The following PIGG variants were observed in gnomAD, a reference collection of about 807,000 sequenced individuals.
The protein encoded by PIGG is GPI ethanolamine phosphate transferase 2, catalytic subunit.
Under a neutral mutation model 83.2 loss-of-function variants are expected in PIGG, and 70 were observed. The ratio of observed to expected loss-of-function variants is 0.84; its 90% CI spans 0.69 to 1.03. PIGG has a LOEUF of 1.03. Among genes scored for constraint, PIGG ranks in the 50% least tolerant of loss-of-function variants. The probability of loss-of-function intolerance (pLI) is 0.00; values close to 1 mark genes in which losing one functional copy is unlikely to be tolerated. For synonymous variants in PIGG, 532 were observed against 519.5 expected (o/e 1.02, Z -0.33); for missense variants, 1,257 against 1,233.6 (o/e 1.02, Z -0.28).
At chr4:499,761 A>G (rs1182825239) in intron 1 of PIGG, 1 of 1,290,554 alleles carries the variant, frequency 7.7e-7, no homozygotes. Context: ...CAGCCTCTCC[A>G]CTTCTACTCG....
intron 1 of PIGG, chr4:499,812 C>T (rs542526832): frequency 1.2e-5 from 13 of 1,052,134 alleles, no homozygotes; most frequent in Non-Finnish European, 1.4e-5. Flanking sequence ...CTTTGGGTCA[C>T]TCCCCGTTAT....
intron 3 of PIGG, among the ~76,000 whole-genome samples, chr4:507,140 A>G (rs1204273385): frequency 1.3e-5 from 2 of 152,218 alleles, no homozygotes; most frequent in Admixed American, 1.3e-4. Flanking sequence ...GGGTCTTGCT[A>G]TGTTGCCCAG....
In PIGG at chr4:533,400, C is replaced by T. The variant is rs561848593; in HGVS notation, c.2572-418C>T. On this transcript the variant is annotated intron_variant, in intron 11 of 12. Transcript: ENST00000453061. ...GCCCAGCTCCCCGCTTGGCTGGGCC[C>T]AGCAGCTGGCCTCTCAGGGCCCTAT... The T allele has an allele frequency of 2.3e-5, 4 of 173,688 alleles. No individual in the cohort carries two copies. The East Asian group carries it at 5.9e-4, about 26-fold the overall frequency. The allele number at this position is 173,688 out of a possible 1,614,324, so 10.8% of individuals were successfully genotyped here.
chr4:501,063 G>T (rs782634700), intron 2 of PIGG: 1 of 454,092 alleles, frequency 2.2e-6, no homozygotes, highest in Non-Finnish European at 4.4e-6. Context: ...GTATGTTCCG[G>T]CCTCAACAAT....
rs1553880312 is a variant in PIGG at position 507,533 on chromosome 4, G to A, written c.699G>A (p.Gly233=). 6.2e-7 allele frequency: 1 copy of A among 1,614,236 alleles called. No homozygotes were observed. The highest frequency in any genetic ancestry group is 8.5e-7 in the Non-Finnish European group (1 of 1,180,040). ...CAGGGCCCAACAGCCCCCTGATTGG[G>A]CAGAAGCTGAGCGAGATGGACAGCG... ...HISGPNSPLI[G]QKLSEMDSVL... Residue 233 remains glycine (G), a synonymous_variant, in exon 4 of 13, where the codon GGG becomes GGA. Transcript: ENST00000453061.
chr4:525,113 C>T (rs1727215675), intron 9 of PIGG: 1 of 856,272 alleles, frequency 1.2e-6, no homozygotes, highest in Admixed American at 6.2e-5. Flanking sequence ...CCAGCTTTGC[C>T]CTTAGCAAAG....
chr4:499,867 C>T (rs1186286852), intron 1 of PIGG: 1 of 351,088 alleles, frequency 2.8e-6, no homozygotes, highest in Non-Finnish European at 4.5e-6. Context: ...AAGACCCCTG[C>T]CGATCCCCTC....
At chr4:526,604 G>A (rs1376508148) in intron 9 of PIGG, among the ~76,000 whole-genome samples, 2 of 152,232 alleles carry the variant, frequency 1.3e-5, no homozygotes, top group East Asian at 1.9e-4. Context: ...CCCCGAGAGG[G>A]TACCAGGGAA....
At chr4:509,824 A>G (rs549726556) in intron 5 of PIGG, among the ~76,000 whole-genome samples, 27 of 152,186 alleles carry the variant, frequency 1.8e-4, no homozygotes, top group Non-Finnish European at 3.7e-4. Context: ...TGCCGTGGAT[A>G]GGCCCCACAC....
chr4:501,300 C>T (rs1717637345), intron 2 of PIGG: 2 of 364,746 alleles, frequency 5.5e-6, no homozygotes, highest in East Asian at 7.8e-5. Context: ...TATACAGCCA[C>T]TCAACAAAGG....
intron 11 of PIGG, chr4:532,085 A>G (rs1425750071): frequency 8.5e-5 from 13 of 152,140 alleles, no homozygotes; most frequent in Admixed American, 5.2e-4. Context: ...GCCCATCCCT[A>G]CTTCCTGCCC....
At position 507,331 on chromosome 4, in the gene PIGG, G is replaced by A. The variant is rs137855552; in HGVS notation, c.571-74G>A. 33 of 1,179,938 alleles carry A rather than the reference G, an allele frequency of 2.8e-5. No individual in the cohort carries two copies. The African/African-American group carries it at 4.6e-4, about 16-fold the overall frequency. 73.1% of individuals were successfully genotyped at this position (1,179,938 alleles called of 1,614,324 possible). On this transcript the variant is annotated intron_variant, in intron 3 of 12. Transcript: ENST00000453061. Reference sequence around the variant, plus strand: ...TAAACCCCTAGATTTTAAGATGACTGTTGCGTTTTCCCCGGGGAGTGAAGA... The same window carrying A: ...TAAACCCCTAGATTTTAAGATGACTATTGCGTTTTCCCCGGGGAGTGAAGA...
chr4:524,115 GC>G (rs997284497), intron 9 of PIGG, among the ~76,000 whole-genome samples: 3 of 152,244 alleles, frequency 2.0e-5, no homozygotes, highest in African/African-American at 7.2e-5. Context: ...TTATTTGGGG[GC>G]TAGCCTAACA....
intron 2 of PIGG, chr4:501,269 A>G: frequency 2.5e-6 from 1 of 401,496 alleles, no homozygotes; most frequent in Non-Finnish European, 4.9e-6. Flanking sequence ...CTCTGCCTTC[A>G]TGTAGCTTTT....
In PIGG at chr4:523,448, C is replaced by G. The variant is rs549072538; in HGVS notation, c.1615-11C>G. On this transcript the variant is annotated splice_polypyrimidine_tract_variant and intron_variant, in intron 8 of 12. Transcript: ENST00000453061. Reference sequence around the variant, plus strand: ...GACCGTCTCTTACAAAGTGCACTTTCCTTTTCACAGAACCCCATGCATCCC... The same window carrying G: ...GACCGTCTCTTACAAAGTGCACTTTGCTTTTCACAGAACCCCATGCATCCC... The G allele has an allele frequency of 5.0e-6, 8 of 1,587,510 alleles. No individual in the cohort carries two copies. The East Asian group carries it at 1.3e-4, about 27-fold the overall frequency.
rs782604952 is a variant in PIGG, at chr4:500,576, C to T, written c.335C>T (p.Pro112Leu). The change falls in exon 2 of 13, where the codon CCT becomes CTT. Residue 112 changes from proline to leucine, a missense_variant. Physicochemically the swap from Pro to Leu is moderately conservative, Grantham distance 98. Coordinates refer to ENST00000453061, the MANE Select transcript of PIGG (RefSeq NM_001127178.3). ...AGTTTTGTGGCTGAAGCAAAGCCAC[C>T]TACAGTTACTATGCCTCGAATCAAG... ...SHSFVAEAKP[P>L]TVTMPRIKAL... is the part of the protein sequence containing the mutation. 1.9e-6 allele frequency: 3 copies of T among 1,607,362 alleles called. No homozygotes were observed. Among genetic ancestry groups the T allele is most frequent in the Non-Finnish European group, 2.6e-6 (3 of 1,173,832 alleles).
At chr4:510,441 T>G (rs2108830342) in intron 5 of PIGG, among the ~76,000 whole-genome samples, 1 of 152,348 alleles carries the variant, frequency 6.6e-6, no homozygotes, top group African/African-American at 2.4e-5. Flanking sequence ...ACCCACAGCC[T>G]TCCAGCGTGG....
chr4:509,130 G>C (rs573574507), intron 5 of PIGG, among the ~76,000 whole-genome samples, 160 bp downstream of exon 5: 1 of 152,304 alleles, frequency 6.6e-6, no homozygotes, highest in Admixed American at 6.5e-5. Flanking sequence ...TTTGGGATCT[G>C]AAGTTACGTT....
chr4:521,220 G>C lies in PIGG; in HGVS notation c.1279G>C (p.Val427Leu). Reference sequence around the variant, plus strand: ...GCTGAGCTTGTCCCTGAGTGCACAAGTGGCCCAGTACGACATCTATTCGAT... The same window carrying C: ...GCTGAGCTTGTCCCTGAGTGCACAACTGGCCCAGTACGACATCTATTCGAT... ...KTLSLSLSAQ[V>L]AQYDIYSMMV... Residue 427 changes from valine to leucine, a missense_variant, in exon 7 of 13, where the codon GTG (valine) becomes CTG (leucine). Physicochemically the swap from Val to Leu is conservative, Grantham distance 32. Coordinates refer to ENST00000453061, the MANE Select transcript of PIGG (RefSeq NM_001127178.3). The C allele has an allele frequency of 6.2e-7, 1 of 1,614,204 alleles. No homozygotes were observed. Among genetic ancestry groups the C allele is most frequent in the Non-Finnish European group, 8.5e-7 (1 of 1,180,024 alleles).
Sources: gnomAD v4.1 joint callset for allele counts (sites outside exome capture counted in the v4.1 genomes callset) on GRCh38, gnomAD v4.1.1 for gene constraint, MANE v1.5 for transcripts, NCBI Gene and HGNC (gene_info 2026-07-23, HGNC 2026-07-21) for gene names.